The following NAALADL2 variants were observed in gnomAD, a reference collection of about 807,000 sequenced individuals.
The protein encoded by NAALADL2 is N-acetylated alpha-linked acidic dipeptidase like 2.
NAALADL2 carries 76 observed loss-of-function variants against 87.2 expected under a neutral mutation model. The ratio of observed to expected loss-of-function variants is 0.87; its 90% CI spans 0.72 to 1.05. The LOEUF (loss-of-function observed/expected upper bound fraction) is 1.05, where lower values mean the gene tolerates loss of function less well. NAALADL2 is among the 50% of genes least tolerant of loss of function. NAALADL2 has a pLI of 0.00. For missense variants in NAALADL2, 1,089 were observed against 945.8 expected (o/e 1.15, Z -1.99); for synonymous variants, 354 against 331.0 (o/e 1.07, Z -0.75).
At chr3:175,712,333 A>C (rs1740645138) in intron 11 of NAALADL2, among the ~76,000 whole-genome samples, 1 of 152,056 alleles carries the variant, frequency 6.6e-6, no homozygotes, top group Admixed American at 6.6e-5. Context: ...TCTTTCATGT[A>C]ATCCATGTAA....
intron 1 of NAALADL2, chr3:174,864,098 T>C (rs6445184): frequency 0.67 from 303,677 of 454,462 alleles, 103,114 homozygotes; most frequent in African/African-American, 0.86. Context: ...AAGGTGAGTC[T>C]GACCTAAATG....
At chr3:174,771,422 AC>A (rs1714539785) in intron 3 of NAALADL2, among the ~76,000 whole-genome samples, 1 of 152,128 alleles carries the variant, frequency 6.6e-6, no homozygotes, top group Non-Finnish European at 1.5e-5. Context: ...AGTACTAGGG[AC>A]ATGGTTGTTA....
At chr3:174,796,344 A>AAGTAATT (rs1221948488) in intron 3 of NAALADL2, among the ~76,000 whole-genome samples, 1 of 152,130 alleles carries the variant, frequency 6.6e-6, no homozygotes, top group Admixed American at 6.5e-5. Flanking sequence ...TATACCCATT[A>AAGTAATT]AGTAATTTCT....
At chr3:175,040,337 C>A (rs1312840022) in intron 1 of NAALADL2, among the ~76,000 whole-genome samples, 2 of 152,048 alleles carry the variant, frequency 1.3e-5, no homozygotes, top group African/African-American at 4.8e-5. Context: ...TGTTTTTTCC[C>A]CTTCATCATT....
intron 2 of NAALADL2, among the ~76,000 whole-genome samples, chr3:174,559,566 A>G (rs995909075): frequency 2.0e-5 from 3 of 152,180 alleles, no homozygotes; most frequent in African/African-American, 7.2e-5. Context: ...ACAAAATACT[A>G]TAGACTGGGT....
rs1208787671 is a variant in NAALADL2, at chr3:175,255,169, G to C, written c.820-1242G>C. ...GCAACAGATAAATAAAATTCATCAG[G>C]TAGGTGACATTTGAAATGAACGTTA... On this transcript the variant is annotated intron_variant, in intron 3 of 13. Coordinates refer to ENST00000454872, the MANE Select transcript of NAALADL2 (RefSeq NM_207015.3). 1.3e-5 allele frequency among the ~76,000 whole-genome samples: 2 copies of C among 152,100 alleles called. 1 individual carries two copies. Among genetic ancestry groups the C allele is most frequent in the South Asian group, 4.1e-4 (2 of 4,828 alleles).
intron 1 of NAALADL2, among the ~76,000 whole-genome samples, chr3:175,052,786 C>T (rs567718695): frequency 2.6e-5 from 4 of 152,264 alleles, no homozygotes; most frequent in Admixed American, 6.5e-5. Context: ...TTCCACAAAT[C>T]TTTAGGTTTA....
At chr3:175,786,833 C>T (rs6798384) in intron 13 of NAALADL2, among the ~76,000 whole-genome samples, 2,190 of 152,208 alleles carry the variant, frequency 0.014, 59 homozygotes, top group African/African-American at 0.048. Context: ...TTTTCCCCAT[C>T]TTTGTGGTTT....
chr3:174,966,042 C>A (rs565633340), intron 1 of NAALADL2, among the ~76,000 whole-genome samples: 1 of 152,050 alleles, frequency 6.6e-6, no homozygotes, highest in African/African-American at 2.4e-5. Context: ...ATAAGTGAAT[C>A]CAGTCAGCAC....
intron 3 of NAALADL2, among the ~76,000 whole-genome samples, chr3:174,769,391 G>A (rs562502): frequency 0.53 from 80,482 of 151,632 alleles, 21,714 homozygotes; most frequent in Middle Eastern, 0.64. Context: ...TCCTGCCTGT[G>A]TTGTTTGAGT....
chr3:175,261,669 A>G (rs1751067724), intron 4 of NAALADL2, among the ~76,000 whole-genome samples: 1 of 152,156 alleles, frequency 6.6e-6, no homozygotes, highest in South Asian at 2.1e-4. Flanking sequence ...CATTATTCTT[A>G]TATACTTTTT....
At chr3:175,056,685 AT>A (rs1403941967) in intron 1 of NAALADL2, among the ~76,000 whole-genome samples, 1 of 152,234 alleles carries the variant, frequency 6.6e-6, no homozygotes, top group African/African-American at 2.4e-5. Flanking sequence ...AGTGATAAGC[AT>A]TGTTTCTATA....
intron 11 of NAALADL2, among the ~76,000 whole-genome samples, chr3:175,695,914 A>C (rs1737739481): frequency 6.6e-6 from 1 of 152,090 alleles, no homozygotes; most frequent in Non-Finnish European, 1.5e-5. Context: ...TGTCTACTTA[A>C]AAAATTTTAG....
At chr3:174,516,781 C>T (rs1719961943) in intron 1 of NAALADL2, among the ~76,000 whole-genome samples, 1 of 151,626 alleles carries the variant, frequency 6.6e-6, no homozygotes, top group Non-Finnish European at 1.5e-5. Context: ...TTTTATTTTT[C>T]ACTTAAAAGA....
chr3:174,550,899 G>A (rs989588423), intron 2 of NAALADL2: 1 of 151,894 alleles, frequency 6.6e-6, no homozygotes, highest in Non-Finnish European at 1.5e-5. Flanking sequence ...ACTGCTATAT[G>A]TTCTCTATAT....
chr3:174,635,075 C>T (rs909549189), intron 2 of NAALADL2, among the ~76,000 whole-genome samples: 5 of 152,172 alleles, frequency 3.3e-5, no homozygotes, highest in African/African-American at 1.2e-4. Context: ...CATTCCCAAA[C>T]ACACTAATCT....
At chr3:175,031,539 T>TTCCA (rs1242150945) in intron 1 of NAALADL2, among the ~76,000 whole-genome samples, 29 of 152,126 alleles carry the variant, frequency 1.9e-4, no homozygotes, top group African/African-American at 5.8e-4. Context: ...CCTGGGTTGA[T>TTCCA]TCCATGTCTT....
rs188675670 is a variant in NAALADL2, at chr3:174,601,749, T to C, written c.-115+51112T>C. Among the ~76,000 whole-genome samples the C allele has an allele frequency of 1.9e-3, 291 of 152,270 alleles. 2 individuals carry two copies. The highest frequency in any genetic ancestry group is 6.7e-3 in the African/African-American group (280 of 41,568). On this transcript the variant is annotated intron_variant, in intron 2 of 3. Transcript: ENST00000434257. ...CCCATGTCCTGGAGAGTTTCTCCAA[T>C]GTTTTGTTGTAGTAGTTTCTTAGAT...
intron 1 of NAALADL2, among the ~76,000 whole-genome samples, chr3:174,451,253 A>C (rs1715460772): frequency 6.6e-6 from 1 of 152,242 alleles, no homozygotes; most frequent in South Asian, 2.1e-4. Context: ...AGACAATGAC[A>C]GTGATATTCC....
Sources: allele counts gnomAD v4.1 joint callset (sites outside exome capture counted in the v4.1 genomes callset), GRCh38; gene constraint gnomAD v4.1.1; transcripts MANE v1.5; gene names NCBI Gene and HGNC (gene_info 2026-07-23, HGNC 2026-07-21).